LBR: variants seen among roughly 807,000 people sequenced by gnomAD.
LBR encodes the protein lamin B receptor.
Under a neutral mutation model 74.3 loss-of-function variants are expected in LBR, and 28 were observed. The ratio of observed to expected loss-of-function variants is 0.38; its 90% CI spans 0.28 to 0.52. LBR has a LOEUF of 0.52. Ranked by LOEUF, LBR falls within the 20% of genes least tolerant of loss-of-function variation. The pLI is 0.89. For synonymous variants in LBR, 228 were observed against 269.3 expected, an observed-to-expected ratio of 0.85 and a Z score of 1.50; for missense variants, 717 against 760.3, an observed-to-expected ratio of 0.94 and a Z score of 0.67.
rs766946228 is a variant in LBR at position 225,419,440 on chromosome 1, A to G, written c.463T>C (p.Leu155=). The part of the protein sequence containing the change: ...PHKNTQEKFS[L]SQESSYIATQ... Reference sequence around the variant, plus strand: ...GCTATGTAACTGCTTTCTTGTGACAAACTGAATTTTTCCTAAATGAAAAAT... The same window carrying G: ...GCTATGTAACTGCTTTCTTGTGACAGACTGAATTTTTCCTAAATGAAAAAT... Residue 155 remains leucine, a synonymous_variant, in exon 5 of 14, where the codon TTG becomes CTG. Coordinates refer to ENST00000272163, the MANE Select transcript of LBR (RefSeq NM_002296.4). 1.2e-6 allele frequency: 2 copies of G among 1,611,948 alleles called. No homozygotes were observed. Among genetic ancestry groups the G allele is most frequent in the Non-Finnish European group, 1.7e-6 (2 of 1,178,140 alleles).
intron 3 of LBR, among the ~76,000 whole-genome samples, chr1:225,420,253 G>A (rs2096125320): frequency 6.7e-6 from 1 of 149,664 alleles, no homozygotes; most frequent in Non-Finnish European, 1.5e-5. Flanking sequence ...AGGTTGCATT[G>A]AGCCAAGACC....
chr1:225,420,709 A>C (rs2096126108), intron 3 of LBR, among the ~76,000 whole-genome samples: 1 of 152,000 alleles, frequency 6.6e-6, no homozygotes, highest in Non-Finnish European at 1.5e-5. Context: ...AGCCACTAAT[A>C]GTTAAAATGT....
chr1:225,411,554 A>G, intron 8 of LBR, 114 bp from the exon 9 acceptor site: 2 of 793,266 alleles, frequency 2.5e-6, no homozygotes, highest in South Asian at 2.8e-5. Context: ...CAAGACCCTG[A>G]GCAGGGCTCT....
At chr1:225,404,773 A>T (rs1363998521) in intron 11 of LBR, 67 bp from the exon 12 acceptor site, 18 of 1,128,344 alleles carry the variant, frequency 1.6e-5, no homozygotes, top group Non-Finnish European at 2.1e-5. Flanking sequence ...TAGCATCTGT[A>T]ATTTCTCTTA....
chr1:225,420,498 A>G (rs541854248), intron 3 of LBR, among the ~76,000 whole-genome samples: 5 of 152,314 alleles, frequency 3.3e-5, no homozygotes, highest in South Asian at 2.1e-4. Context: ...CCATAATGGA[A>G]AACTAAGAAA....
Position 225,419,248 on chromosome 1 carries a change from A to G in LBR, c.640+15T>C. The G allele has an allele frequency of 6.2e-7, 1 of 1,613,968 alleles. No homozygotes were observed. The highest frequency in any genetic ancestry group is 8.5e-7 in the Non-Finnish European group (1 of 1,179,846). ...CACCCCACCTGCCCTCTCTGGGCCC[A>G]GCTCTGAGGCCTACCAGGTACTCCT... On this transcript the variant is annotated intron_variant, in intron 5 of 13. Coordinates refer to ENST00000272163, the MANE Select transcript of LBR (RefSeq NM_002296.4).
rs12562212 is a variant in LBR at position 225,413,116 on chromosome 1, C to T, written c.893-471G>A. On this transcript the variant is annotated intron_variant, in intron 7 of 13. Transcript: ENST00000272163. ...CAAAATTATAAATATTTATACTTAA[C>T]CAAGTTGCCAATAATGGTTTCAAAA... Among the ~76,000 whole-genome samples the T allele has an allele frequency of 2.0e-5, 3 of 152,160 alleles. No individual in the cohort carries two copies. In the East Asian group the frequency reaches 5.8e-4, roughly 29 times the overall value.
intron 7 of LBR, chr1:225,413,809 G>A (rs2096111165): frequency 2.8e-6 from 1 of 362,428 alleles, no homozygotes; most frequent in South Asian, 2.1e-5. Context: ...GTAATTAGAT[G>A]AGGAAATTTT....
chr1:225,416,721 G>GA (rs2096117802), intron 6 of LBR, among the ~76,000 whole-genome samples: 1 of 151,716 alleles, frequency 6.6e-6, no homozygotes. Flanking sequence ...AAATATTTCG[G>GA]AAAAAATTGC....
intron 6 of LBR, among the ~76,000 whole-genome samples, chr1:225,417,268 G>A (rs1480588855): frequency 6.6e-6 from 1 of 152,060 alleles, no homozygotes; most frequent in African/African-American, 2.4e-5. Flanking sequence ...CGATCCTTTG[G>A]TTTACAGACA....
intron 10 of LBR, among the ~76,000 whole-genome samples, chr1:225,409,857 A>G (rs74146925): frequency 0.014 from 2,066 of 152,258 alleles, 45 homozygotes; most frequent in African/African-American, 0.046. Flanking sequence ...ACATTCATCT[A>G]ATTAGAGCTA....
intron 13 of LBR, 62 bp downstream of exon 13, chr1:225,404,342 C>CAA: frequency 6.4e-7 from 1 of 1,551,534 alleles, no homozygotes; most frequent in Non-Finnish European, 8.8e-7. Context: ...ACACAAAGGA[C>CAA]ACACACACAC....
intron 6 of LBR, among the ~76,000 whole-genome samples, chr1:225,415,886 T>C (rs1030035259): frequency 6.6e-5 from 10 of 152,160 alleles, no homozygotes; most frequent in African/African-American, 9.7e-5. Flanking sequence ...AACCATTTCA[T>C]GTGATTCTTT....
Position 225,410,231 on chromosome 1 carries a change from A to C in LBR, c.1314+60T>G, listed in dbSNP as rs191410653. 13 of 1,609,490 alleles carry C rather than the reference A, an allele frequency of 8.1e-6. No homozygotes were observed. In the East Asian group the frequency reaches 2.2e-4, roughly 28 times the overall value. The stretch of plus-strand genomic sequence containing the variant: ...GTGTGCAAGAAGCCGAGGCTCTGAC[A>C]GGTCACTCACCCACTCAAAGCCATC... On this transcript the variant is annotated intron_variant, in intron 10 of 13. Transcript: ENST00000272163.
intron 11 of LBR, among the ~76,000 whole-genome samples, chr1:225,404,916 C>T (rs1057259741): frequency 6.6e-6 from 1 of 152,124 alleles, no homozygotes; most frequent in Non-Finnish European, 1.5e-5. Context: ...TTAAGAACAA[C>T]TCAAAACCTC....
chr1:225,408,926 A>G (rs1256839699), intron 10 of LBR, among the ~76,000 whole-genome samples: 1 of 152,254 alleles, frequency 6.6e-6, no homozygotes, highest in African/African-American at 2.4e-5. Flanking sequence ...ACCAGAAGAA[A>G]TAATCACTGA....
intron 13 of LBR, among the ~76,000 whole-genome samples, 174 bp downstream of exon 13, chr1:225,404,230 T>C (rs2096086838): frequency 1.3e-5 from 2 of 152,130 alleles, no homozygotes; most frequent in Non-Finnish European, 2.9e-5. Flanking sequence ...GCTCTGTGAA[T>C]TCCCAATTCC....
intron 3 of LBR, among the ~76,000 whole-genome samples, chr1:225,421,259 C>A (rs1160493988): frequency 6.6e-6 from 1 of 152,158 alleles, no homozygotes; most frequent in African/African-American, 2.4e-5. Flanking sequence ...TTTGGGAGGC[C>A]GAGGCGGGTG....
At chr1:225,422,311 A>T in intron 2 of LBR, 34 bp from the exon 3 acceptor site, 1 of 1,530,084 alleles carries the variant, frequency 6.5e-7, no homozygotes, top group Non-Finnish European at 9.0e-7. Flanking sequence ...GAGCTTTACC[A>T]CAAATCATAA....
Sources: gnomAD v4.1 joint callset for allele counts (sites outside exome capture counted in the v4.1 genomes callset) on GRCh38, gnomAD v4.1.1 for gene constraint, MANE v1.5 for transcripts, NCBI Gene and HGNC (gene_info 2026-07-23, HGNC 2026-07-21) for gene names.